EXD3: variants seen among roughly 807,000 people sequenced by gnomAD.
EXD3 encodes the protein exonuclease mut-7 homolog.
Under a neutral mutation model 98.0 loss-of-function variants are expected in EXD3, and 92 were observed. The observed-to-expected ratio is 0.94, with a 90% CI of 0.79 to 1.12. The LOEUF (loss-of-function observed/expected upper bound fraction) is 1.12, where lower values mean the gene tolerates loss of function less well. EXD3 is among the 50% of genes most tolerant of loss of function. The probability of loss-of-function intolerance (pLI) is 0.00; values close to 1 mark genes in which losing one functional copy is unlikely to be tolerated. For missense variants in EXD3, 1,222 were observed against 1,191.6 expected (o/e 1.03, Z -0.38); for synonymous variants, 569 against 526.0 (o/e 1.08, Z -1.12).
At chr9:137,372,621 G>T (rs944923994) in intron 5 of EXD3, among the ~76,000 whole-genome samples, 2 of 152,212 alleles carry the variant, frequency 1.3e-5, no homozygotes, top group Non-Finnish European at 1.5e-5. Flanking sequence ...CTGTGAGTGT[G>T]AGGGCCCAGT....
In EXD3 at chr9:137,407,493, G is replaced by GCCAGCCCCACAA. The variant is rs1564216006; in HGVS notation, c.-47-12090_-47-12089insTTGTGGGGCTGG. On this transcript the variant is annotated intron_variant, in intron 1 of 21. Transcript: ENST00000340951. The surrounding 1 kb of genome is among the most constrained non-coding windows in gnomAD (Gnocchi z 4.4). ...GCAGGTCTGGCCGCTCTCGGGCTCT[G>GCCAGCCCCACAA]CCCTGCCAGCCCCACAACCCAGAAC... 6.6e-6 allele frequency among the ~76,000 whole-genome samples: 1 copy of GCCAGCCCCACAA among 152,220 alleles called. No homozygotes were observed. The highest frequency in any genetic ancestry group is 1.9e-4 in the East Asian group (1 of 5,184).
At chr9:137,394,146 T>G (rs1449646305) in intron 2 of EXD3, among the ~76,000 whole-genome samples, 38 of 109,026 alleles carry the variant, frequency 3.5e-4, no homozygotes, top group South Asian at 6.3e-4. Flanking sequence ...CCAGCCTCCA[T>G]TTCCCTAACC....
chr9:137,370,304 G>T (rs923355706), intron 5 of EXD3, among the ~76,000 whole-genome samples: 3 of 152,184 alleles, frequency 2.0e-5, no homozygotes, highest in Non-Finnish European at 4.4e-5. Context: ...CACTGTCCAT[G>T]CCTGGCCACT....
chr9:137,381,438 A>AAAAAAG (rs1836266367), intron 3 of EXD3, among the ~76,000 whole-genome samples: 1 of 149,624 alleles, frequency 6.7e-6, no homozygotes, highest in Admixed American at 6.7e-5. Context: ...AAAAAAAAAA[A>AAAAAAG]AGACAGGAAC....
chr9:137,380,657 A>G (rs921522175), intron 3 of EXD3, among the ~76,000 whole-genome samples: 1 of 10,656 alleles, frequency 9.4e-5, no homozygotes, highest in Admixed American at 1.2e-3. Flanking sequence ...CTCCTCCCCA[A>G]CCCCCCTCTG....
intron 1 of EXD3, among the ~76,000 whole-genome samples, chr9:137,399,885 A>G (rs1236029507): frequency 6.6e-6 from 1 of 152,106 alleles, no homozygotes; most frequent in East Asian, 1.9e-4. Flanking sequence ...AAAAATACAA[A>G]AAGCAGCCAG....
At chr9:137,411,139 G>A (rs1837975989) in intron 1 of EXD3, among the ~76,000 whole-genome samples, 1 of 152,216 alleles carries the variant, frequency 6.6e-6, no homozygotes, top group African/African-American at 2.4e-5. Context: ...GAGGCCCCGA[G>A]GCCGGCCCCC....
At chr9:137,318,838 G>A (rs1001431524) in intron 19 of EXD3, among the ~76,000 whole-genome samples, 6 of 152,318 alleles carry the variant, frequency 3.9e-5, no homozygotes, top group Admixed American at 1.3e-4. Flanking sequence ...TGGGGCCGGC[G>A]GTGGCCACAG....
chr9:137,355,642 A>T (rs113905483), intron 8 of EXD3, among the ~76,000 whole-genome samples: 11 of 110,472 alleles, frequency 1.0e-4, no homozygotes, highest in South Asian at 3.2e-4. Flanking sequence ...GGAAGGAGGA[A>T]GGAGGAAGGA....
At chr9:137,352,233 G>A (rs1258784765) in intron 11 of EXD3, 32 bp from the exon 12 acceptor site, 1 of 1,611,396 alleles carries the variant, frequency 6.2e-7, no homozygotes, top group Non-Finnish European at 8.5e-7. Context: ...GCGCCCCCAT[G>A]TCCCTGGTCC....
chr9:137,337,729 GT>G (rs1270969389), intron 17 of EXD3, among the ~76,000 whole-genome samples: 2 of 151,974 alleles, frequency 1.3e-5, no homozygotes, highest in Non-Finnish European at 2.9e-5. Flanking sequence ...GGTAGGTGGA[GT>G]GGGAGGGAGA....
chr9:137,376,906 G>A (rs1835933059), intron 3 of EXD3, among the ~76,000 whole-genome samples: 4 of 145,386 alleles, frequency 2.8e-5, no homozygotes, highest in South Asian at 2.1e-4. Flanking sequence ...TCCAGGCTGG[G>A]CGACAAGAGA....
chr9:137,382,843 A>G (rs959294872), intron 3 of EXD3, among the ~76,000 whole-genome samples: 1 of 152,012 alleles, frequency 6.6e-6, no homozygotes, highest in East Asian at 1.9e-4. Flanking sequence ...GTCTGCCCCC[A>G]CAGGGGGCCG....
At position 137,349,622 on chromosome 9, in the gene EXD3, G is replaced by C; in HGVS notation, c.1495-91C>G. On this transcript the variant is annotated intron_variant, in intron 14 of 21. Transcript: ENST00000340951. The surrounding 1 kb of genome is among the most constrained non-coding windows in gnomAD (Gnocchi z 7.4). ...CTCACACCAGCCCTGCGGGGGCTCT[G>C]GAGGAGGCCCCGCCCCCTCCACCAG... is the stretch of plus-strand genomic sequence containing the variant. 7.5e-7 allele frequency: 1 copy of C among 1,330,580 alleles called. No homozygotes were observed. Among genetic ancestry groups the C allele is most frequent in the Non-Finnish European group, 9.9e-7 (1 of 1,012,582 alleles). The allele number at this position is 1,330,580 out of a possible 1,614,324, so 82.4% of individuals were successfully genotyped here. A position where few individuals can be genotyped will look rare whatever the true frequency, so the allele number is the denominator to read the frequency against.
intron 10 of EXD3, chr9:137,353,207 C>A: frequency 1.0e-6 from 1 of 984,000 alleles, no homozygotes; most frequent in Non-Finnish European, 1.2e-6. Flanking sequence ...CCCTCCTGGC[C>A]TCCAAGCCTC....
At chr9:137,391,120 G>T (rs1446560503) in intron 2 of EXD3, among the ~76,000 whole-genome samples, 1 of 152,184 alleles carries the variant, frequency 6.6e-6, no homozygotes, top group East Asian at 1.9e-4. Flanking sequence ...GGCCTCGGCC[G>T]CCGCCCTTCC....
At chr9:137,408,337 A>C (rs1296748798) in intron 1 of EXD3, among the ~76,000 whole-genome samples, 1 of 151,952 alleles carries the variant, frequency 6.6e-6, no homozygotes, top group Non-Finnish European at 1.5e-5. Context: ...TCACGAGGTC[A>C]GGAGATCGAG....
At chr9:137,326,274 G>A (rs951362237) in intron 17 of EXD3, among the ~76,000 whole-genome samples, 2 of 152,120 alleles carry the variant, frequency 1.3e-5, no homozygotes, top group Non-Finnish European at 2.9e-5. Flanking sequence ...TGGAGACGTC[G>A]GTATTTGCAA....
Position 137,373,423 on chromosome 9 carries a change from C to A in EXD3, c.294+3G>T. ...GTGACTGTCACAGAACCCATGGGCT[C>A]ACCTGGGCCAGGCTCGGGCATGGCT... On this transcript the variant is annotated splice_donor_region_variant and intron_variant, in intron 4 of 21. Transcript: ENST00000340951. 2 of 1,605,582 alleles carry A rather than the reference C, an allele frequency of 1.2e-6. No homozygotes were observed. Among genetic ancestry groups the A allele is most frequent in the Non-Finnish European group, 1.7e-6 (2 of 1,179,180 alleles).
Sources: gnomAD v4.1 joint callset for allele counts (sites outside exome capture counted in the v4.1 genomes callset) on GRCh38, gnomAD v4.1.1 for gene constraint, Gnocchi (gnomAD v3.1) non-coding constraint, MANE v1.5 for transcripts, NCBI Gene and HGNC (gene_info 2026-07-23, HGNC 2026-07-21) for gene names.